The following ATP2C2 variants were observed in gnomAD, a reference collection of about 807,000 sequenced individuals.
ATP2C2 encodes the protein calcium-transporting ATPase type 2C member 2.
In ATP2C2, 171 loss-of-function variants were observed where a neutral mutation model predicts 110.8. The ratio of observed to expected loss-of-function variants is 1.54; its 90% CI spans 1.36 to 1.75. The LOEUF (loss-of-function observed/expected upper bound fraction) is 1.75, where lower values mean the gene tolerates loss of function less well. ATP2C2 is among the 40% of genes most tolerant of loss of function. The probability of loss-of-function intolerance (pLI) is 0.00; values close to 1 mark genes in which losing one functional copy is unlikely to be tolerated. For synonymous variants in ATP2C2, 804 were observed against 508.4 expected (o/e 1.58, Z -7.82); for missense variants, 1,963 against 1,235.0 (o/e 1.59, Z -8.84).
chr16:84,435,716 A>C (rs1231146561), intron 11 of ATP2C2, among the ~76,000 whole-genome samples: 1 of 54,154 alleles, frequency 1.8e-5, no homozygotes, highest in Non-Finnish European at 4.6e-5. Context: ...TGTCCCGGCT[A>C]CCAGGGAGGC....
intron 1 of ATP2C2, among the ~76,000 whole-genome samples, chr16:84,380,759 C>G (rs35942090): frequency 0.15 from 22,612 of 152,258 alleles, 2,195 homozygotes; most frequent in South Asian, 0.27. Context: ...GGGGTAGTAA[C>G]TAAGTGTACA....
chr16:84,396,222 G>T (rs1053305285), intron 1 of ATP2C2, among the ~76,000 whole-genome samples: 1 of 100,408 alleles, frequency 1.0e-5, no homozygotes, highest in East Asian at 2.8e-4. Flanking sequence ...CAAGCATCGG[G>T]CGTGTGTGTG....
intron 1 of ATP2C2, among the ~76,000 whole-genome samples, chr16:84,390,500 C>T (rs1401888025): frequency 6.6e-6 from 1 of 152,200 alleles, no homozygotes; most frequent in African/African-American, 2.4e-5. Context: ...GTGGGTCTAT[C>T]TGCAGCAGGC....
At position 84,369,307 on chromosome 16, in the gene ATP2C2, G is replaced by C. The variant is rs1391442735; in HGVS notation, c.99+593G>C. Among the ~76,000 whole-genome samples the C allele has an allele frequency of 2.0e-5, 3 of 152,150 alleles. No homozygotes were observed. The East Asian group carries it at 5.8e-4, about 29-fold the overall frequency. ...GTGCCAGGGCAGGGCGGTTCATGAGGGAACGAAGTGGCAAAGCTGTCAAAT... is the reference window on the plus strand; with the variant it reads ...GTGCCAGGGCAGGGCGGTTCATGAGCGAACGAAGTGGCAAAGCTGTCAAAT... On this transcript the variant is annotated intron_variant, in intron 1 of 26. Coordinates refer to ENST00000262429, the MANE Select transcript of ATP2C2 (RefSeq NM_014861.4).
At chr16:84,399,993 C>T (rs4617849) in intron 2 of ATP2C2, among the ~76,000 whole-genome samples, 58,190 of 151,600 alleles carry the variant, frequency 0.38, 12,139 homozygotes, top group South Asian at 0.6. Flanking sequence ...CACTAATCAG[C>T]GAGAACCTGC....
chr16:84,454,253 A>C lies in ATP2C2; in HGVS notation c.1981-565A>C, dbSNP rs1200489874. On this transcript the variant is annotated intron_variant, in intron 20 of 26. Transcript: ENST00000262429. ...GCCAGGCCCATGAATCTCTTGGCAC[A>C]CAGCAGGAGCCCAATAAAGAGCTGA... Among the ~76,000 whole-genome samples, 3 of 152,216 alleles carry C rather than the reference A, an allele frequency of 2.0e-5. 1 individual carries two copies. Among genetic ancestry groups the C allele is most frequent in the Admixed American group, 2.0e-4 (3 of 15,284 alleles).
intron 16 of ATP2C2, among the ~76,000 whole-genome samples, chr16:84,447,412 C>G (rs367889868): frequency 6.6e-6 from 1 of 151,414 alleles, no homozygotes; most frequent in Non-Finnish European, 1.5e-5. Context: ...TTCTTTCATT[C>G]CACCCTTCTT....
chr16:84,417,000 C>T (rs946794706), intron 7 of ATP2C2, among the ~76,000 whole-genome samples: 1 of 152,194 alleles, frequency 6.6e-6, no homozygotes, highest in Non-Finnish European at 1.5e-5. Context: ...GGTGCAGAGG[C>T]AGAGAGAGGC....
chr16:84,391,469 A>G (rs1159077241), intron 1 of ATP2C2, among the ~76,000 whole-genome samples: 2 of 152,236 alleles, frequency 1.3e-5, no homozygotes, highest in African/African-American at 2.4e-5. Context: ...GTCTTTATCC[A>G]TGCAGTCAAA....
intron 4 of ATP2C2, among the ~76,000 whole-genome samples, chr16:84,409,509 C>A (rs1239136511): frequency 2.0e-5 from 3 of 152,054 alleles, no homozygotes; most frequent in South Asian, 4.2e-4. Context: ...CTCCTGAGCA[C>A]ATTTTTTTTT....
rs1910652554 is a variant in ATP2C2, at chr16:84,454,950, A to G, written c.2113A>G (p.Met705Val). ...GTDVSKEAAN[M>V]ILVDDDFSAI... Reference sequence around the variant, plus strand: ...GGACGTCAGCAAAGAGGCCGCCAACATGATCCTGGTGGATGATGACTTCTC... The same window carrying G: ...GGACGTCAGCAAAGAGGCCGCCAACGTGATCCTGGTGGATGATGACTTCTC... Residue 705 changes from methionine to valine, a missense_variant, in exon 21 of 27, where the codon ATG becomes GTG. Coordinates refer to ENST00000262429, the MANE Select transcript of ATP2C2 (RefSeq NM_014861.4). 2 of 1,613,566 alleles carry G rather than the reference A, an allele frequency of 1.2e-6. No homozygotes were observed. The highest frequency in any genetic ancestry group is 1.3e-5 in the African/African-American group (1 of 74,882).
chr16:84,387,956 G>T (rs969591996), intron 1 of ATP2C2, among the ~76,000 whole-genome samples: 1 of 151,602 alleles, frequency 6.6e-6, no homozygotes, highest in African/African-American at 2.4e-5. Context: ...AGCACCTGGG[G>T]GCTTGTGGAG....
At position 84,452,022 on chromosome 16, in the gene ATP2C2, G is replaced by T; in HGVS notation, c.1762G>T (p.Val588Phe). 1.2e-6 allele frequency: 2 copies of T among 1,613,858 alleles called. No homozygotes were observed. The highest frequency in any genetic ancestry group is 8.5e-7 in the Non-Finnish European group (1 of 1,179,982). Residue 588 changes from valine (V) to phenylalanine (F), a missense_variant, in exon 18 of 27, where the codon GTT (valine) becomes TTT (phenylalanine). Physicochemically the swap from Val to Phe is conservative, Grantham distance 50. Transcript: ENST00000262429. ...AGTTGGCGTGAAGGAAGCAGTCCAG[G>T]TTCTCTCCGAGTCTGGTGTGTCTGT... ...PRVGVKEAVQVLSESGVSVKM... is the reference protein window; with the variant it reads ...PRVGVKEAVQFLSESGVSVKM...
rs765795059 is a variant in ATP2C2, at chr16:84,408,529, G to A, written c.417+35G>A. ...CTGACAGCGCTCGGCTCCCGGGCGG[G>A]CAGCCACAGGTCTGCTGAGTCTCTG... On this transcript the variant is annotated intron_variant, in intron 4 of 26. Coordinates refer to ENST00000262429, the MANE Select transcript of ATP2C2 (RefSeq NM_014861.4). The A allele has an allele frequency of 1.9e-6, 3 of 1,542,390 alleles. No individual in the cohort carries two copies. In the South Asian group the frequency reaches 3.4e-5, roughly 17 times the overall value.
In ATP2C2 at chr16:84,451,991, C is replaced by A. The variant is rs372496579; in HGVS notation, c.1731C>A (p.Pro577=). Residue 577 remains proline, a synonymous_variant, in exon 18 of 27, where the codon CCC becomes CCA. Transcript: ENST00000262429. ...TFLGLVGIID[P]PRVGVKEAVQ... The stretch of plus-strand genomic sequence containing the variant: ...TCGGTCTTGTGGGCATCATTGACCC[C>A]CCGAGAGTTGGCGTGAAGGAAGCAG... 1 of 1,613,806 alleles carries A rather than the reference C, an allele frequency of 6.2e-7. No individual in the cohort carries two copies. The highest frequency in any genetic ancestry group is 1.3e-5 in the African/African-American group (1 of 74,816).
intron 1 of ATP2C2, among the ~76,000 whole-genome samples, chr16:84,381,426 A>G (rs531418527): frequency 6.6e-6 from 1 of 152,148 alleles, no homozygotes; most frequent in Admixed American, 6.5e-5. Flanking sequence ...AAAATACAAA[A>G]ATTAGCTGCT....
In ATP2C2 at chr16:84,460,524, G is replaced by A. The variant is rs779494383; in HGVS notation, c.2334-130G>A. 9 of 1,302,114 alleles carry A rather than the reference G, an allele frequency of 6.9e-6. No individual in the cohort carries two copies. In the East Asian group the frequency reaches 1.8e-4, roughly 27 times the overall value. The allele number at this position is 1,302,114 out of a possible 1,614,324, so 80.7% of individuals were successfully genotyped here. A position where few individuals can be genotyped will look rare whatever the true frequency, so the allele number is the denominator to read the frequency against. On this transcript the variant is annotated intron_variant, in intron 23 of 26. Transcript: ENST00000262429. ...CGAGGAGGGCAGGTGCGATGCCTGGGGGCGTTCAGCAAATGCCTGGCCCTG... is the reference window on the plus strand; with the variant it reads ...CGAGGAGGGCAGGTGCGATGCCTGGAGGCGTTCAGCAAATGCCTGGCCCTG...
At chr16:84,415,626 T>A (rs761060098) in intron 7 of ATP2C2, 35 bp downstream of exon 7, 32 of 1,547,948 alleles carry the variant, frequency 2.1e-5, no homozygotes, top group Non-Finnish European at 2.6e-5. Flanking sequence ...ATGGGGTATT[T>A]GATGGAGCTG....
In ATP2C2 at chr16:84,368,694, A is replaced by C; in HGVS notation, c.79A>C (p.Lys27Gln). The C allele has an allele frequency of 1.3e-6, 2 of 1,549,952 alleles. No individual in the cohort carries two copies. The highest frequency in any genetic ancestry group is 1.7e-6 in the Non-Finnish European group (2 of 1,151,022). Residue 27 changes from lysine to glutamine, a missense_variant, in exon 1 of 27, where the codon AAG (lysine) becomes CAG (glutamine). Coordinates refer to ENST00000262429, the MANE Select transcript of ATP2C2 (RefSeq NM_014861.4). ...GGGCCGCCAGTACCAGGCGCTGGAGAAGGACGAAGAGGAAGCCTTGGTGAG... is the reference window on the plus strand; with the variant it reads ...GGGCCGCCAGTACCAGGCGCTGGAGCAGGACGAAGAGGAAGCCTTGGTGAG... The part of the protein sequence containing the change: ...GGGRQYQALE[K>Q]DEEEALIDEQ...
Sources: gnomAD v4.1 joint callset for allele counts (sites outside exome capture counted in the v4.1 genomes callset) on GRCh38, gnomAD v4.1.1 for gene constraint, MANE v1.5 for transcripts, NCBI Gene and HGNC (gene_info 2026-07-23, HGNC 2026-07-21) for gene names.